Variants in HSDL2 observed in about 807,000 individuals in gnomAD.
HSDL2 encodes hydroxysteroid dehydrogenase like 2.
HSDL2 carries 27 observed loss-of-function variants against 46.3 expected under a neutral mutation model. The observed-to-expected ratio is 0.58, with a 90% CI of 0.43 to 0.80. The LOEUF (loss-of-function observed/expected upper bound fraction) is 0.80. Among genes scored for constraint, HSDL2 ranks in the 30% least tolerant of loss-of-function variants. The pLI is 0.00. For synonymous variants in HSDL2, 153 were observed against 163.6 expected (o/e 0.94, Z 0.50); for missense variants, 451 against 502.7 (o/e 0.90, Z 0.98).
At chr9:112,462,262 G>C (rs1833232413) in intron 10 of HSDL2, among the ~76,000 whole-genome samples, 2 of 152,160 alleles carry the variant, frequency 1.3e-5, no homozygotes, top group African/African-American at 4.8e-5. Context: ...TCAGGAGTTT[G>C]AGACCAGCCT....
At chr9:112,381,730 G>A (rs1031247427) in intron 1 of HSDL2, among the ~76,000 whole-genome samples, 2 of 152,138 alleles carry the variant, frequency 1.3e-5, no homozygotes, top group Admixed American at 6.5e-5. Context: ...GGTTCCAGAC[G>A]TGTTCGGATT....
intron 8 of HSDL2, among the ~76,000 whole-genome samples, chr9:112,445,511 G>GT (rs113603259): frequency 0.037 from 5,445 of 146,098 alleles, 313 homozygotes; most frequent in African/African-American, 0.12. Context: ...GTTTCATATA[G>GT]TTTTTTTTTT....
intron 4 of HSDL2, among the ~76,000 whole-genome samples, chr9:112,412,797 T>G (rs1172653732): frequency 6.6e-6 from 1 of 152,142 alleles, no homozygotes; most frequent in African/African-American, 2.4e-5. Flanking sequence ...TTTTTAGATG[T>G]GAAGGTGCAA....
chr9:112,402,532 TG>T (rs1038363973), intron 1 of HSDL2, among the ~76,000 whole-genome samples: 1 of 141,868 alleles, frequency 7.0e-6, no homozygotes, highest in East Asian at 2.1e-4. Flanking sequence ...TACTCCAGCC[TG>T]GGTAACAGAG....
At position 112,438,626 on chromosome 9, in the gene HSDL2, G is replaced by A. The variant is rs1455686810; in HGVS notation, c.793+1G>A. On this transcript the variant is annotated splice_donor_variant, in intron 7 of 10. Coordinates refer to ENST00000398805, the MANE Select transcript of HSDL2 (RefSeq NM_032303.5). LOFTEE classifies it high-confidence loss of function. ...TTTGACGTTTATGCAATTAAACCAG[G>A]TAATGCTTTTATAGTTTTTAAAAGT... 6.6e-7 allele frequency: 1 copy of A among 1,519,458 alleles called. No individual in the cohort carries two copies. 94.1% of individuals were successfully genotyped at this position (1,519,458 alleles called of 1,614,324 possible). A position where few individuals can be genotyped will look rare whatever the true frequency, so the allele number is the denominator to read the frequency against.
At chr9:112,386,433 T>A (rs1271174153) in intron 1 of HSDL2, among the ~76,000 whole-genome samples, 2 of 152,084 alleles carry the variant, frequency 1.3e-5, no homozygotes, top group African/African-American at 4.8e-5. Context: ...TATAACTGAA[T>A]TATTATAATT....
chr9:112,407,089 C>T (rs555109335), intron 3 of HSDL2, among the ~76,000 whole-genome samples: 7 of 152,284 alleles, frequency 4.6e-5, no homozygotes, highest in African/African-American at 1.2e-4. Flanking sequence ...GACTGAAGCA[C>T]GGAGCTTTGG....
intron 10 of HSDL2, among the ~76,000 whole-genome samples, chr9:112,469,501 A>G (rs957378706): frequency 1.8e-4 from 27 of 151,758 alleles, no homozygotes; most frequent in Admixed American, 1.6e-3. Context: ...GCAAAACCCC[A>G]TCTCTATAAA....
chr9:112,442,078 A>G (rs1832649786), intron 8 of HSDL2, among the ~76,000 whole-genome samples: 1 of 151,708 alleles, frequency 6.6e-6, no homozygotes, highest in African/African-American at 2.4e-5. Context: ...CTTGGGCAAC[A>G]TGGCGAAACC....
intron 4 of HSDL2, among the ~76,000 whole-genome samples, chr9:112,411,081 A>G (rs539640459): frequency 3.9e-5 from 6 of 152,340 alleles, no homozygotes; most frequent in Non-Finnish European, 8.8e-5. Context: ...AGGGTTATCA[A>G]CTGCCTCATC....
Position 112,438,469 on chromosome 9 carries a change from G to A in HSDL2, c.637G>A (p.Gly213Ser), listed in dbSNP as rs1164448080. 6.2e-7 allele frequency: 1 copy of A among 1,609,254 alleles called. No homozygotes were observed. Among genetic ancestry groups the A allele is most frequent in the Non-Finnish European group, 8.5e-7 (1 of 1,178,126 alleles). ...TGCTATGGATATGCTGGGAGGACCT[G>A]GTATCGAAAGCCAGTGTAGAAAAGT... ...TAAMDMLGGP[G>S]IESQCRKVDI... is the part of the protein sequence containing the mutation. Residue 213 changes from glycine to serine, a missense_variant, in exon 7 of 11, where the codon GGT (glycine) becomes AGT (serine). Physicochemically the swap from Gly to Ser is moderately conservative, Grantham distance 56. Transcript: ENST00000398805.
chr9:112,383,085 T>C (rs1489725261), intron 1 of HSDL2, among the ~76,000 whole-genome samples: 1 of 152,000 alleles, frequency 6.6e-6, no homozygotes, highest in East Asian at 1.9e-4. Flanking sequence ...TCTGTCTTTC[T>C]TTTTTTGAGA....
At chr9:112,460,259 G>A (rs939008649) in intron 10 of HSDL2, among the ~76,000 whole-genome samples, 1 of 152,134 alleles carries the variant, frequency 6.6e-6, no homozygotes, top group African/African-American at 2.4e-5. Context: ...ATGTTATTCA[G>A]ACTTTGTTCT....
At chr9:112,391,782 G>A (rs1311288394) in intron 1 of HSDL2, among the ~76,000 whole-genome samples, 2 of 151,362 alleles carry the variant, frequency 1.3e-5, no homozygotes, top group Non-Finnish European at 2.9e-5. Context: ...GCACACGCCT[G>A]TAATCCCAGC....
chr9:112,398,857 T>A (rs569590620), intron 1 of HSDL2, among the ~76,000 whole-genome samples: 1 of 152,246 alleles, frequency 6.6e-6, no homozygotes, highest in South Asian at 2.1e-4. Flanking sequence ...ATATTTTCCA[T>A]AGGTACCTGA....
chr9:112,408,984 C>G lies in HSDL2; in HGVS notation c.358C>G (p.Leu120Val). The change falls in exon 4 of 11, where the codon CTG (leucine) becomes GTG (valine). Residue 120 changes from leucine (L) to valine (V), a missense_variant. Coordinates refer to ENST00000398805, the MANE Select transcript of HSDL2 (RefSeq NM_032303.5). ...GGACACACCTACCAAGAGATTGGAT[C>G]TGATGATGAACGTGAACACCAGAGG... ...TLDTPTKRLDLMMNVNTRGTY... is the reference protein window; with the variant it reads ...TLDTPTKRLDVMMNVNTRGTY... The G allele has an allele frequency of 6.2e-7, 1 of 1,608,992 alleles. No homozygotes were observed. Among genetic ancestry groups the G allele is most frequent in the Non-Finnish European group, 8.5e-7 (1 of 1,176,614 alleles).
At chr9:112,428,679 A>C (rs1832307609) in intron 6 of HSDL2, among the ~76,000 whole-genome samples, 3 of 152,170 alleles carry the variant, frequency 2.0e-5, no homozygotes, top group Non-Finnish European at 4.4e-5. Flanking sequence ...AATGTTACTT[A>C]TTATGGGTCA....
At chr9:112,448,530 TTCTTTCCTTC>T (rs1832797635) in intron 8 of HSDL2, among the ~76,000 whole-genome samples, 2 of 4,978 alleles carry the variant, frequency 4.0e-4, no homozygotes, top group African/African-American at 1.6e-3. Flanking sequence ...CCTCCTTTCT[TTCTTTCCTTC>T]TTTCTCTCTC....
chr9:112,386,173 A>G (rs189889691), intron 1 of HSDL2, among the ~76,000 whole-genome samples: 9 of 152,144 alleles, frequency 5.9e-5, no homozygotes, highest in African/African-American at 2.2e-4. Flanking sequence ...TTTTAACCCC[A>G]CAAGTATTAT....
Sources: allele counts gnomAD v4.1 joint callset (sites outside exome capture counted in the v4.1 genomes callset), GRCh38; gene constraint gnomAD v4.1.1; transcripts MANE v1.5; gene names NCBI Gene and HGNC (gene_info 2026-07-23, HGNC 2026-07-21).